Variants in SLC26A5 observed in about 807,000 individuals in gnomAD.
The protein encoded by SLC26A5 is solute carrier family 26 member 5.
SLC26A5 carries 51 observed loss-of-function variants against 81.0 expected under a neutral mutation model. That is an observed-to-expected ratio of 0.63 (90% CI 0.50 to 0.80). The LOEUF is 0.80. Ranked by LOEUF, SLC26A5 falls within the 30% of genes least tolerant of loss-of-function variation. The probability of loss-of-function intolerance (pLI) is 0.00; values close to 1 mark genes in which losing one functional copy is unlikely to be tolerated. For missense variants in SLC26A5, 771 were observed against 905.8 expected (o/e 0.85, Z 1.91); for synonymous variants, 325 against 332.8 (o/e 0.98, Z 0.25).
chr7:103,375,329 T>C (rs1432128733), intron 19 of SLC26A5, among the ~76,000 whole-genome samples: 2 of 152,066 alleles, frequency 1.3e-5, no homozygotes, highest in South Asian at 2.1e-4. Flanking sequence ...ATCAACGACA[T>C]ACAAGTGTCA....
At chr7:103,423,982 T>C (rs573980524) in intron 2 of SLC26A5, among the ~76,000 whole-genome samples, 66 of 152,312 alleles carry the variant, frequency 4.3e-4, no homozygotes, top group African/African-American at 1.5e-3. Context: ...ACTGGGCTGA[T>C]GTATGAGTGG....
At chr7:103,410,666 T>A in intron 6 of SLC26A5, 117 bp from the exon 7 acceptor site, 1 of 937,628 alleles carries the variant, frequency 1.1e-6, no homozygotes, top group South Asian at 1.5e-5. Context: ...TGAGATGGAG[T>A]CTTGCTCTGT....
chr7:103,437,863 A>C (rs1008526942), intron 2 of SLC26A5, among the ~76,000 whole-genome samples: 6 of 152,250 alleles, frequency 3.9e-5, no homozygotes, highest in Non-Finnish European at 7.3e-5. Flanking sequence ...GCGATTGCAC[A>C]GCAGGAGGAC....
intron 2 of SLC26A5, among the ~76,000 whole-genome samples, chr7:103,428,435 T>C (rs1000212003): frequency 6.6e-6 from 1 of 152,178 alleles, no homozygotes; most frequent in African/African-American, 2.4e-5. Context: ...ATACTTAGTG[T>C]ATACAAGTTG....
At chr7:103,434,348 T>C (rs1009728017) in intron 2 of SLC26A5, among the ~76,000 whole-genome samples, 6 of 152,220 alleles carry the variant, frequency 3.9e-5, no homozygotes, top group African/African-American at 1.4e-4. Flanking sequence ...TAAACGACTT[T>C]ATTTTTCCTT....
intron 7 of SLC26A5, among the ~76,000 whole-genome samples, chr7:103,408,681 A>G (rs148694635): frequency 2.6e-5 from 4 of 152,350 alleles, no homozygotes; most frequent in African/African-American, 7.2e-5. Context: ...AATACATTGA[A>G]AAGCTTTTAG....
At chr7:103,380,388 C>T in intron 15 of SLC26A5, 92 bp downstream of exon 15, 1 of 1,042,110 alleles carries the variant, frequency 9.6e-7, no homozygotes, top group African/African-American at 1.6e-5. Context: ...TACCTCCCAT[C>T]TTACCCCTAC....
intron 2 of SLC26A5, among the ~76,000 whole-genome samples, chr7:103,429,982 T>C (rs1334731041): frequency 6.6e-6 from 1 of 152,062 alleles, no homozygotes; most frequent in African/African-American, 2.4e-5. Context: ...CTTAAATTCC[T>C]CTGCCAAAGG....
chr7:103,373,407 A>G (rs1041394264), downstream of SLC26A5, among the ~76,000 whole-genome samples: 1 of 152,230 alleles, frequency 6.6e-6, no homozygotes, highest in African/African-American at 2.4e-5. Context: ...AAGGCTTTAG[A>G]TATAACTTCC....
chr7:103,388,293 T>G (rs1004048663), intron 14 of SLC26A5, among the ~76,000 whole-genome samples: 2 of 148,698 alleles, frequency 1.3e-5, no homozygotes, highest in African/African-American at 5.0e-5. Context: ...ACCTCCTGAG[T>G]TCAAGCAATT....
chr7:103,374,674 G>C, intron 19 of SLC26A5, 82 bp from the exon 20 acceptor site: 11 of 1,155,298 alleles, frequency 9.5e-6, no homozygotes, highest in Non-Finnish European at 1.2e-5. Flanking sequence ...CTTCCATATA[G>C]TGTTTTTTTT....
intron 19 of SLC26A5, chr7:103,369,167 A>T (rs1820882619): frequency 6.6e-6 from 1 of 152,260 alleles, no homozygotes; most frequent in Admixed American, 6.5e-5. Flanking sequence ...GTTTTCAAGT[A>T]AAGAAATTAA....
chr7:103,364,150 G>A (rs374959956), intron 19 of SLC26A5: 25 of 1,613,720 alleles, frequency 1.5e-5, no homozygotes, highest in Non-Finnish European at 1.9e-5. Flanking sequence ...CAGCCAGAGA[G>A]GTTTGTGAAC....
At chr7:103,408,328 G>T (rs948253531) in intron 7 of SLC26A5, among the ~76,000 whole-genome samples, 1 of 152,126 alleles carries the variant, frequency 6.6e-6, no homozygotes, top group Non-Finnish European at 1.5e-5. Context: ...CCAGGTTCAA[G>T]CAATTCTCCT....
rs748561526 is a variant in SLC26A5 at position 103,362,677 on chromosome 7, C to A, written c.2042-9751G>T. The A allele has an allele frequency of 3.8e-6, 6 of 1,593,922 alleles. No homozygotes were observed. The African/African-American group carries it at 8.1e-5, about 21-fold the overall frequency. On this transcript the variant is annotated intron_variant, in intron 19 of 19. Transcript: ENST00000339444. ...AATGTATTAATGACTATCTTTTTTA[C>A]TTCCTTAGCGTGGATAGAAATAAAT...
At chr7:103,354,901 G>A (rs1301108328) in intron 19 of SLC26A5, 17 of 1,613,572 alleles carry the variant, frequency 1.1e-5, no homozygotes, top group Non-Finnish European at 1.2e-5. Context: ...GATCAAGCAA[G>A]TTGAAGATGA....
chr7:103,422,631 C>G (rs1388031019), intron 2 of SLC26A5, among the ~76,000 whole-genome samples: 2 of 152,116 alleles, frequency 1.3e-5, no homozygotes, highest in African/African-American at 4.8e-5. Context: ...CTAACTGTAT[C>G]TGCAATGTTT....
chr7:103,381,746 C>T (rs1229534059), intron 14 of SLC26A5, among the ~76,000 whole-genome samples: 2 of 151,104 alleles, frequency 1.3e-5, no homozygotes, highest in Non-Finnish European at 3.0e-5. Flanking sequence ...ATACACACAC[C>T]ACATACCCCT....
intron 19 of SLC26A5, among the ~76,000 whole-genome samples, chr7:103,357,942 C>T (rs562261647): frequency 1.4e-4 from 21 of 152,260 alleles, no homozygotes; most frequent in African/African-American, 4.3e-4. Context: ...TTCCCAGCAC[C>T]TTCTGACCTG....
Sources: gnomAD v4.1 joint callset for allele counts (sites outside exome capture counted in the v4.1 genomes callset) on GRCh38, gnomAD v4.1.1 for gene constraint, MANE v1.5 for transcripts, NCBI Gene and HGNC (gene_info 2026-07-23, HGNC 2026-07-21) for gene names.